Variants in KCNK2 observed in about 807,000 individuals in gnomAD.
KCNK2 encodes the protein potassium two pore domain channel subfamily K member 2, also known as potassium channel subfamily K member 2.
KCNK2 carries 21 observed loss-of-function variants against 40.5 expected under a neutral mutation model. The ratio of observed to expected loss-of-function variants is 0.52; its 90% CI spans 0.37 to 0.75. KCNK2 has a LOEUF of 0.75. KCNK2 is among the 30% of genes least tolerant of loss of function. The pLI, the probability that KCNK2 is intolerant of heterozygous loss-of-function variation, is 0.00. For synonymous variants in KCNK2, 191 were observed against 202.2 expected, an observed-to-expected ratio of 0.94 and a Z score of 0.47; for missense variants, 399 against 531.6, an observed-to-expected ratio of 0.75 and a Z score of 2.45.
rs1193753427 is a variant in KCNK2 at position 215,207,177 on chromosome 1, T to G, written c.963+12085T>G. On this transcript the variant is annotated intron_variant, in intron 6 of 6. Transcript: ENST00000444842. ...CCCCTGGGCTGAAGACCAGTACTGG[T>G]CCATGGTCTGTTAGGATCCAGGCCG... Among the ~76,000 whole-genome samples, 4 of 152,146 alleles carry G rather than the reference T, an allele frequency of 2.6e-5. No individual in the cohort carries two copies. The East Asian group carries it at 7.7e-4, about 29-fold the overall frequency.
At chr1:215,089,369 T>C (rs943158872) in intron 2 of KCNK2, among the ~76,000 whole-genome samples, 3 of 152,156 alleles carry the variant, frequency 2.0e-5, no homozygotes, top group Non-Finnish European at 2.9e-5. Flanking sequence ...TCAGTTCTAG[T>C]GTTGTTGAAG....
At chr1:215,011,161 G>T (rs1656371252) in intron 1 of KCNK2, among the ~76,000 whole-genome samples, 1 of 151,894 alleles carries the variant, frequency 6.6e-6, no homozygotes, top group Non-Finnish European at 1.5e-5. Flanking sequence ...ATTCCTTTGT[G>T]CTTCCCGTTT....
chr1:215,032,895 G>A (rs895273563), intron 1 of KCNK2, among the ~76,000 whole-genome samples: 7 of 151,782 alleles, frequency 4.6e-5, no homozygotes, highest in Non-Finnish European at 1.0e-4. Context: ...TGTTCTCTGC[G>A]ATTCCATTAA....
At chr1:215,128,224 A>T (rs1016561406) in intron 3 of KCNK2, among the ~76,000 whole-genome samples, 4 of 152,192 alleles carry the variant, frequency 2.6e-5, no homozygotes, top group African/African-American at 9.7e-5. Context: ...TGGGTGAAGA[A>T]AGTTGGAAAG....
At chr1:215,097,722 G>A (rs1279991481) in intron 2 of KCNK2, among the ~76,000 whole-genome samples, 1 of 151,982 alleles carries the variant, frequency 6.6e-6, no homozygotes, top group Non-Finnish European at 1.5e-5. Flanking sequence ...TTAAAGTGAA[G>A]TTTAGAATTT....
At chr1:215,131,402 G>T (rs1051426366) in intron 3 of KCNK2, among the ~76,000 whole-genome samples, 20 of 144,970 alleles carry the variant, frequency 1.4e-4, no homozygotes, top group Admixed American at 2.1e-4. Flanking sequence ...TATGTAATTA[G>T]TATATTTATA....
intron 1 of KCNK2, among the ~76,000 whole-genome samples, chr1:215,070,664 C>T (rs756625000): frequency 2.0e-5 from 3 of 152,042 alleles, no homozygotes; most frequent in Non-Finnish European, 4.4e-5. Flanking sequence ...TCAATTATCT[C>T]CCACTTGGTC....
At chr1:215,209,421 T>TAA (rs1454237154) in intron 6 of KCNK2, among the ~76,000 whole-genome samples, 19,421 of 54,380 alleles carry the variant, frequency 0.36, 4,523 homozygotes, top group South Asian at 0.61. Flanking sequence ...ATATTATATA[T>TAA]AATATATATA....
intron 1 of KCNK2, among the ~76,000 whole-genome samples, chr1:215,006,997 C>CTATATATATATATA (rs199497700): frequency 2.6e-4 from 21 of 81,694 alleles, no homozygotes; most frequent in African/African-American, 5.2e-4. Context: ...GACCAATTCA[C>CTATATATATATATA]TATATATATA....
chr1:215,040,634 T>C (rs559254760), intron 1 of KCNK2, among the ~76,000 whole-genome samples: 4 of 152,300 alleles, frequency 2.6e-5, no homozygotes, highest in Admixed American at 2.6e-4. Context: ...AAGTGAAGAC[T>C]ACCTCTGTGA....
At chr1:215,009,442 A>G (rs932530806) in intron 1 of KCNK2, among the ~76,000 whole-genome samples, 1 of 152,132 alleles carries the variant, frequency 6.6e-6, no homozygotes, top group Non-Finnish European at 1.5e-5. Flanking sequence ...TTACAAAACC[A>G]TTTACATATA....
chr1:215,036,347 A>C (rs951589108), intron 1 of KCNK2, among the ~76,000 whole-genome samples: 5 of 151,888 alleles, frequency 3.3e-5, no homozygotes, highest in Admixed American at 3.3e-4. Context: ...CCAGTCATCT[A>C]TCTATGTGTA....
At chr1:215,218,857 CAT>C (rs760896879) in intron 6 of KCNK2, among the ~76,000 whole-genome samples, 13 of 152,142 alleles carry the variant, frequency 8.5e-5, no homozygotes, top group African/African-American at 2.9e-4. Context: ...ATATATTATA[CAT>C]GTTTAAAATG....
chr1:215,207,118 A>G (rs915815452), intron 6 of KCNK2, among the ~76,000 whole-genome samples: 4 of 152,068 alleles, frequency 2.6e-5, no homozygotes, highest in African/African-American at 7.2e-5. Context: ...CTCTCCCCCA[A>G]ATGGAGATAG....
chr1:215,174,993 T>C (rs1209459058), intron 5 of KCNK2, among the ~76,000 whole-genome samples: 2 of 152,170 alleles, frequency 1.3e-5, no homozygotes, highest in Non-Finnish European at 2.9e-5. Context: ...GGCTAGAACT[T>C]CCAACACTAT....
intron 1 of KCNK2, among the ~76,000 whole-genome samples, chr1:215,052,685 T>A (rs1658030453): frequency 1.3e-5 from 2 of 152,252 alleles, no homozygotes; most frequent in Non-Finnish European, 2.9e-5. Flanking sequence ...CCCTAAAATG[T>A]CAGCAGTGCC....
intron 3 of KCNK2, among the ~76,000 whole-genome samples, chr1:215,127,839 T>C (rs1380286127): frequency 6.6e-6 from 1 of 152,238 alleles, no homozygotes. Flanking sequence ...CTATGACTTA[T>C]TGGAAATTAC....
At chr1:215,005,953 A>T (rs1236211026) in exon 1 of KCNK2, 1 of 1,612,272 alleles carries the variant, frequency 6.2e-7, no homozygotes, top group Admixed American at 1.7e-5. Context: ...AGGGATTTCT[A>T]CTGTGAGTAT....
intron 6 of KCNK2, among the ~76,000 whole-genome samples, chr1:215,207,076 G>A (rs765839476): frequency 1.3e-4 from 20 of 152,156 alleles, no homozygotes; most frequent in Non-Finnish European, 2.6e-4. Flanking sequence ...TAGCAGACCA[G>A]TTGACACAAT....
Sources: allele counts gnomAD v4.1 joint callset (sites outside exome capture counted in the v4.1 genomes callset), GRCh38; gene constraint gnomAD v4.1.1; transcripts MANE v1.5; gene names NCBI Gene and HGNC (gene_info 2026-07-23, HGNC 2026-07-21).